PKP4: variants seen among roughly 807,000 people sequenced by gnomAD.
PKP4 encodes plakophilin-4.
Under a neutral mutation model 145.1 loss-of-function variants are expected in PKP4, and 90 were observed. The ratio of observed to expected loss-of-function variants is 0.62; its 90% confidence interval spans 0.52 to 0.74. PKP4 has a LOEUF of 0.74. Among genes scored for constraint, PKP4 ranks in the 30% least tolerant of loss-of-function variants. The probability of loss-of-function intolerance (pLI) is 0.00; values close to 1 mark genes in which losing one functional copy is unlikely to be tolerated. For synonymous variants in PKP4, 563 were observed against 577.2 expected (o/e 0.98, Z 0.35); for missense variants, 1,340 against 1,482.7 (o/e 0.90, Z 1.58).
intron 3 of PKP4, among the ~76,000 whole-genome samples, chr2:158,580,448 C>T (rs2048238766): frequency 6.6e-6 from 1 of 152,060 alleles, no homozygotes; most frequent in Non-Finnish European, 1.5e-5. Context: ...AACAGTTGTC[C>T]CGAGCAGTAA....
chr2:158,564,500 A>G (rs2046814161), intron 2 of PKP4, among the ~76,000 whole-genome samples: 1 of 152,176 alleles, frequency 6.6e-6, no homozygotes, highest in Admixed American at 6.5e-5. Flanking sequence ...TCTGTAGACT[A>G]GATTTCCAAG....
chr2:158,673,038 C>T (rs1429543897), intron 17 of PKP4, among the ~76,000 whole-genome samples: 25 of 152,164 alleles, frequency 1.6e-4, no homozygotes, highest in Non-Finnish European at 3.7e-4. Context: ...TCTTCAGTTA[C>T]TGGTGAGGCC....
intron 4 of PKP4, among the ~76,000 whole-genome samples, chr2:158,616,783 G>A (rs2105882678): frequency 6.6e-6 from 1 of 152,184 alleles, no homozygotes; most frequent in East Asian, 1.9e-4. Context: ...TGATCTCTGG[G>A]TTCCTGTTTC....
At chr2:158,512,865 A>G (rs1282249651) in intron 1 of PKP4, among the ~76,000 whole-genome samples, 1 of 152,224 alleles carries the variant, frequency 6.6e-6, no homozygotes, top group Non-Finnish European at 1.5e-5. Flanking sequence ...ATTCATAATT[A>G]TCAAAATGTC....
At chr2:158,482,169 A>G (rs561987419) in intron 1 of PKP4, among the ~76,000 whole-genome samples, 8 of 152,380 alleles carry the variant, frequency 5.3e-5, no homozygotes, top group African/African-American at 1.9e-4. Context: ...TTCAGTAGCC[A>G]CGTATAGCTA....
In PKP4 at chr2:158,666,504, C is replaced by T; in HGVS notation, c.2669C>T (p.Ser890Phe). The change falls in exon 16 of 22, where the codon TCT (serine) becomes TTT (phenylalanine). Residue 890 changes from serine (S) to phenylalanine (F), a missense_variant. Ser to Phe is a radical substitution (Grantham distance 155). Coordinates refer to ENST00000389759, the MANE Select transcript of PKP4 (RefSeq NM_003628.6). Reference protein sequence around the residue: ...LLRMDNDRVVSSVATALRNMA... With the variant: ...LLRMDNDRVVFSVATALRNMA... ...AGAATGGATAACGATAGAGTTGTTT[C>T]TTCCGTGGCAACAGCCTTGAGGAAT... 6.2e-7 allele frequency: 1 copy of T among 1,613,782 alleles called. No homozygotes were observed. The highest frequency in any genetic ancestry group is 8.5e-7 in the Non-Finnish European group (1 of 1,179,860).
chr2:158,488,072 A>G (rs1435201514), intron 1 of PKP4, among the ~76,000 whole-genome samples: 2 of 152,154 alleles, frequency 1.3e-5, no homozygotes, highest in Non-Finnish European at 2.9e-5. Flanking sequence ...TGTTCCACCT[A>G]TATCCACAAA....
intron 1 of PKP4, among the ~76,000 whole-genome samples, chr2:158,468,796 G>A (rs1330762358): frequency 2.8e-5 from 3 of 107,390 alleles, no homozygotes; most frequent in Non-Finnish European, 5.4e-5. Flanking sequence ...TTTTGAGACA[G>A]GGTCTCACTC....
At chr2:158,621,741 G>T (rs1413287520) in intron 6 of PKP4, among the ~76,000 whole-genome samples, 1 of 140,792 alleles carries the variant, frequency 7.1e-6, no homozygotes, top group Non-Finnish European at 1.5e-5. Context: ...GCGAGACTCC[G>T]TCTCAAAACA....
At chr2:158,597,985 A>AG (rs2049905199) in intron 3 of PKP4, among the ~76,000 whole-genome samples, 3 of 69,620 alleles carry the variant, frequency 4.3e-5, no homozygotes, top group Non-Finnish European at 8.3e-5. Flanking sequence ...CATGCCCGGC[A>AG]ATTTTTTTTT....
At chr2:158,461,131 TTGC>T (rs1398706670) in intron 1 of PKP4, among the ~76,000 whole-genome samples, 4 of 152,206 alleles carry the variant, frequency 2.6e-5, no homozygotes, top group Admixed American at 2.0e-4. Flanking sequence ...ATTCATGTAC[TTGC>T]TGGTTTCAGT....
chr2:158,527,293 G>C (rs955732833), intron 1 of PKP4, among the ~76,000 whole-genome samples: 2 of 145,826 alleles, frequency 1.4e-5, no homozygotes, highest in South Asian at 2.3e-4. Context: ...CAGAGATATA[G>C]ATCAATGGAA....
intron 11 of PKP4, among the ~76,000 whole-genome samples, chr2:158,654,059 A>T (rs998197128): frequency 6.6e-6 from 1 of 152,254 alleles, no homozygotes; most frequent in Non-Finnish European, 1.5e-5. Flanking sequence ...TTTAAGTTTA[A>T]TTAAATCTTT....
intron 1 of PKP4, among the ~76,000 whole-genome samples, chr2:158,471,887 C>T (rs1691625629): frequency 6.6e-6 from 1 of 152,158 alleles, no homozygotes; most frequent in African/African-American, 2.4e-5. Context: ...TGGTCTCATT[C>T]TACTCATAGC....
intron 11 of PKP4, among the ~76,000 whole-genome samples, chr2:158,657,480 G>A (rs1859736): frequency 0.71 from 107,253 of 152,098 alleles, 39,455 homozygotes; most frequent in East Asian, 0.92. Context: ...AGTAACGTGT[G>A]TTTCTAAAGC....
At chr2:158,672,612 C>T (rs1237950090) in intron 17 of PKP4, among the ~76,000 whole-genome samples, 1 of 152,134 alleles carries the variant, frequency 6.6e-6, no homozygotes, top group Non-Finnish European at 1.5e-5. Context: ...GTCTTGGGTG[C>T]CTGAAATTTC....
chr2:158,663,709 G>T (rs1444477596), intron 15 of PKP4, among the ~76,000 whole-genome samples: 1 of 152,188 alleles, frequency 6.6e-6, no homozygotes, highest in Non-Finnish European at 1.5e-5. Flanking sequence ...AGAAGCCACA[G>T]GATGTATGTG....
At chr2:158,674,181 TA>T (rs1394413787) in intron 19 of PKP4, among the ~76,000 whole-genome samples, 181 bp downstream of exon 19, 1 of 152,364 alleles carries the variant, frequency 6.6e-6, no homozygotes, top group East Asian at 1.9e-4. Flanking sequence ...TCTTCCTTTT[TA>T]AAAGTGTATA....
At chr2:158,577,135 T>C in intron 2 of PKP4, 136 bp from the exon 3 acceptor site, 1 of 518,470 alleles carries the variant, frequency 1.9e-6, no homozygotes, top group Non-Finnish European at 3.5e-6. Context: ...ATCCAAAAAT[T>C]GCATTTCACA....
Sources: gnomAD v4.1 joint callset for allele counts (sites outside exome capture counted in the v4.1 genomes callset) on GRCh38, gnomAD v4.1.1 for gene constraint, MANE v1.5 for transcripts, NCBI Gene and HGNC (gene_info 2026-07-23, HGNC 2026-07-21) for gene names.